NR3C1: variants seen among roughly 807,000 people sequenced by gnomAD.
NR3C1 encodes glucocorticoid receptor.
A neutral mutation model predicts 74.0 loss-of-function variants in NR3C1; 14 were observed. The ratio of observed to expected loss-of-function variants is 0.19; its 90% CI spans 0.12 to 0.30. The LOEUF (loss-of-function observed/expected upper bound fraction) is 0.30. Ranked by LOEUF, NR3C1 falls within the 10% of genes least tolerant of loss-of-function variation. The pLI is 1.00. For synonymous variants in NR3C1, 308 were observed against 332.5 expected (o/e 0.93, Z 0.80); for missense variants, 695 against 909.8 (o/e 0.76, Z 3.04).
chr5:143,391,718 G>A (rs938826507), intron 2 of NR3C1, among the ~76,000 whole-genome samples: 5 of 152,112 alleles, frequency 3.3e-5, no homozygotes, highest in African/African-American at 1.2e-4. Flanking sequence ...TCATTGTGAA[G>A]ATACTACGTT....
At chr5:143,424,015 G>A (rs2151960777) in intron 1 of NR3C1, among the ~76,000 whole-genome samples, 1 of 143,626 alleles carries the variant, frequency 7.0e-6, no homozygotes, top group East Asian at 2.1e-4. Context: ...TGAACAATGA[G>A]AACACATGGA....
intron 2 of NR3C1, among the ~76,000 whole-genome samples, chr5:143,339,302 C>T (rs1225577914): frequency 2.6e-5 from 4 of 152,194 alleles, no homozygotes; most frequent in Non-Finnish European, 5.9e-5. Flanking sequence ...ACCTCCCCTA[C>T]TCCAGTCTTT....
intron 1 of NR3C1, among the ~76,000 whole-genome samples, chr5:143,412,922 A>G (rs552255411): frequency 1.8e-4 from 28 of 152,322 alleles, no homozygotes; most frequent in African/African-American, 6.3e-4. Flanking sequence ...TATTTTAGGC[A>G]TGGTTTCAAT....
intron 1 of NR3C1, among the ~76,000 whole-genome samples, chr5:143,414,590 C>A (rs562163857): frequency 6.6e-6 from 1 of 152,146 alleles, no homozygotes; most frequent in South Asian, 2.1e-4. Flanking sequence ...GTGATTTTAT[C>A]ACGTGTGTTT....
intron 2 of NR3C1, among the ~76,000 whole-genome samples, chr5:143,382,243 C>A (rs1363116296): frequency 6.6e-6 from 1 of 152,082 alleles, no homozygotes; most frequent in African/African-American, 2.4e-5. Flanking sequence ...ATATCACCCC[C>A]ACAATTGCAT....
Position 143,385,498 on chromosome 5 carries a change from A to G in NR3C1, c.1184+14158T>C, listed in dbSNP as rs557292127. On this transcript the variant is annotated intron_variant, in intron 2 of 8. Transcript: ENST00000394464. ...TCAGACCATCTCTTTGTGAACACAT[A>G]TGACTGTATGTTGTTAGGAGCAGCC... Among the ~76,000 whole-genome samples the G allele has an allele frequency of 2.0e-5, 3 of 152,336 alleles. No homozygotes were observed. In the East Asian group the frequency reaches 5.8e-4, roughly 29 times the overall value.
chr5:143,329,373 T>TAA (rs1320773556), intron 2 of NR3C1, among the ~76,000 whole-genome samples: 2 of 152,146 alleles, frequency 1.3e-5, no homozygotes, highest in Non-Finnish European at 2.9e-5. Flanking sequence ...CAATTCAAGA[T>TAA]AAGATTTGGG....
intron 2 of NR3C1, among the ~76,000 whole-genome samples, chr5:143,337,756 T>C (rs1827423058): frequency 6.6e-6 from 1 of 152,170 alleles, no homozygotes; most frequent in African/African-American, 2.4e-5. Flanking sequence ...CACATAAAAT[T>C]CATATACATA....
At chr5:143,341,910 G>A (rs143561780) in intron 2 of NR3C1, among the ~76,000 whole-genome samples, 1 of 152,254 alleles carries the variant, frequency 6.6e-6, no homozygotes, top group East Asian at 1.9e-4. Flanking sequence ...AAAATACAGA[G>A]AGGGAGGAGG....
chr5:143,369,083 C>G (rs893974499), intron 2 of NR3C1, among the ~76,000 whole-genome samples: 1 of 152,184 alleles, frequency 6.6e-6, no homozygotes, highest in Non-Finnish European at 1.5e-5. Context: ...CCAAGCACTT[C>G]TTAAAGGCCT....
chr5:143,393,144 A>T (rs917751981), intron 2 of NR3C1, among the ~76,000 whole-genome samples: 2 of 152,208 alleles, frequency 1.3e-5, no homozygotes, highest in African/African-American at 4.8e-5. Context: ...TGCTAACAGC[A>T]GCAATAGTTT....
At chr5:143,292,047 A>G (rs548573580) in intron 7 of NR3C1, among the ~76,000 whole-genome samples, 1 of 152,306 alleles carries the variant, frequency 6.6e-6, no homozygotes, top group African/African-American at 2.4e-5. Context: ...CATGATTGAT[A>G]TATCAAAACT....
intron 7 of NR3C1, among the ~76,000 whole-genome samples, chr5:143,285,747 T>C (rs1814271456): frequency 6.6e-6 from 1 of 152,148 alleles, no homozygotes; most frequent in South Asian, 2.1e-4. Context: ...ATGTGTGGGA[T>C]GCAATGAAGA....
At position 143,282,576 on chromosome 5, in the gene NR3C1, T is replaced by C; in HGVS notation, c.2173A>G (p.Met725Val). ...FYQLTKLLDSMHEVVENLLNY... is the reference protein window; with the variant it reads ...FYQLTKLLDSVHEVVENLLNY... ...TTATGTTTGACACTTACTTCATGCA[T>C]AGAATCCAAGAGTTTTGTCAGTTGA... is the stretch of plus-strand genomic sequence containing the variant. Residue 725 changes from methionine to valine, a missense_variant, in exon 8 of 9, where the codon ATG (methionine) becomes GTG (valine). Met to Val is a conservative substitution (Grantham distance 21). This residue lies in a region of NR3C1 where 133 missense variants were observed against 287.9 expected (regional missense o/e 0.46). Transcript: ENST00000394464. 2 of 1,613,880 alleles carry C rather than the reference T, an allele frequency of 1.2e-6. No individual in the cohort carries two copies. Among genetic ancestry groups the C allele is most frequent in the Non-Finnish European group, 1.7e-6 (2 of 1,179,852 alleles).
At chr5:143,373,464 G>A (rs1561702987) in intron 2 of NR3C1, among the ~76,000 whole-genome samples, 1 of 151,452 alleles carries the variant, frequency 6.6e-6, no homozygotes, top group Non-Finnish European at 1.5e-5. Context: ...ATTTATCGGG[G>A]GGTGGGGGGC....
chr5:143,408,268 C>T (rs974768239), upstream of NR3C1, among the ~76,000 whole-genome samples: 2 of 152,182 alleles, frequency 1.3e-5, no homozygotes, highest in Non-Finnish European at 2.9e-5. Context: ...GGCAGGCTAA[C>T]TCTCTGTGCC....
At chr5:143,302,834 T>C (rs749312009) in intron 4 of NR3C1, among the ~76,000 whole-genome samples, 6 of 152,060 alleles carry the variant, frequency 3.9e-5, no homozygotes, top group Admixed American at 1.3e-4. Context: ...AGCAACTTAG[T>C]TAATACAACT....
At chr5:143,327,047 T>C (rs541268259) in intron 2 of NR3C1, among the ~76,000 whole-genome samples, 23 of 152,344 alleles carry the variant, frequency 1.5e-4, no homozygotes, top group African/African-American at 5.5e-4. Context: ...TAATCTTCAT[T>C]ACTATCCTGT....
chr5:143,404,410 C>G, upstream of NR3C1: 1 of 985,588 alleles, frequency 1.0e-6, no homozygotes, highest in Non-Finnish European at 1.2e-6. Context: ...CCGGCAGGTC[C>G]CCCACCACCG....
Sources: gnomAD v4.1 joint callset for allele counts (sites outside exome capture counted in the v4.1 genomes callset) on GRCh38, gnomAD v4.1.1 for gene constraint, gnomAD v4.1.1 regional missense constraint, MANE v1.5 for transcripts, NCBI Gene and HGNC (gene_info 2026-07-23, HGNC 2026-07-21) for gene names.